ADAMTS17: variants seen among roughly 807,000 people sequenced by gnomAD.
The protein encoded by ADAMTS17 is ADAM metallopeptidase with thrombospondin type 1 motif 17, also known as A disintegrin and metalloproteinase with thrombospondin motifs 17.
Under a neutral mutation model 141.5 loss-of-function variants are expected in ADAMTS17, and 113 were observed. The observed-to-expected ratio is 0.80, with a 90% CI of 0.69 to 0.93. The LOEUF (loss-of-function observed/expected upper bound fraction) is 0.93. Ranked by LOEUF, ADAMTS17 falls within the 40% of genes least tolerant of loss-of-function variation. The pLI is 0.00. For missense variants in ADAMTS17, 1,659 were observed against 1,517.9 expected, an observed-to-expected ratio of 1.09 and a Z score of -1.54; for synonymous variants, 768 against 630.6, an observed-to-expected ratio of 1.22 and a Z score of -3.27.
intron 7 of ADAMTS17, among the ~76,000 whole-genome samples, chr15:100,252,337 A>C (rs2043180237): frequency 6.6e-6 from 1 of 152,194 alleles, no homozygotes; most frequent in African/African-American, 2.4e-5. Flanking sequence ...AACCAACAGG[A>C]GTGACCAAAC....
At chr15:100,233,841 G>GA (rs2042568221) in intron 7 of ADAMTS17, among the ~76,000 whole-genome samples, 3 of 152,118 alleles carry the variant, frequency 2.0e-5, no homozygotes, top group Admixed American at 2.0e-4. Flanking sequence ...AGGGAAGGAG[G>GA]AGGCTGAGGC....
chr15:100,248,165 G>C lies in ADAMTS17; in HGVS notation c.1075+5971C>G, dbSNP rs116921611. ...TGGAACATCTCCACTTCCTCCTGTA[G>C]GATCACCCCTCTCCCTCACTGGACA... is the stretch of plus-strand genomic sequence containing the variant. On this transcript the variant is annotated intron_variant, in intron 7 of 21. Transcript: ENST00000268070. 3.6e-3 allele frequency among the ~76,000 whole-genome samples: 543 copies of C among 152,222 alleles called. 7 individuals carry two copies. The highest frequency in any genetic ancestry group is 2.4e-3 in the Non-Finnish European group (162 of 68,008).
At chr15:100,321,586 A>G (rs560664210) in intron 3 of ADAMTS17, among the ~76,000 whole-genome samples, 147 of 152,374 alleles carry the variant, frequency 9.6e-4, no homozygotes, top group African/African-American at 3.5e-3. Context: ...CTGGAAGGAC[A>G]AAAGTATTGG....
intron 3 of ADAMTS17, among the ~76,000 whole-genome samples, chr15:100,300,840 A>G (rs1298958890): frequency 6.6e-6 from 1 of 152,216 alleles, no homozygotes; most frequent in Non-Finnish European, 1.5e-5. Context: ...CATAACTTGT[A>G]TGTACACCCC....
chr15:100,165,817 A>G (rs2141440654), intron 8 of ADAMTS17, among the ~76,000 whole-genome samples: 1 of 152,356 alleles, frequency 6.6e-6, no homozygotes, highest in East Asian at 1.9e-4. Flanking sequence ...GATGTTAAGA[A>G]GAACCTCTGC....
intron 15 of ADAMTS17, among the ~76,000 whole-genome samples, chr15:100,091,010 C>CAACAAAAAAAAAAA (rs1555446585): frequency 0.011 from 589 of 54,462 alleles, 11 homozygotes; most frequent in South Asian, 0.047. Flanking sequence ...TCCGTCTCAA[C>CAACAAAAAAAAAAA]AAAAAAAAAA....
chr15:100,058,336 CGGCTCT>C (rs2032813985), intron 15 of ADAMTS17, among the ~76,000 whole-genome samples: 1 of 152,152 alleles, frequency 6.6e-6, no homozygotes, highest in South Asian at 2.1e-4. Flanking sequence ...ACCCCTATCC[CGGCTCT>C]AACACCCCTA....
At chr15:99,987,153 A>G (rs2573595) in intron 20 of ADAMTS17, among the ~76,000 whole-genome samples, 16,480 of 152,196 alleles carry the variant, frequency 0.11, 2,764 homozygotes, top group African/African-American at 0.36. Context: ...GGACTGGCCC[A>G]TTCCTCACCT....
intron 18 of ADAMTS17, among the ~76,000 whole-genome samples, chr15:100,019,569 A>T (rs186493860): frequency 1.3e-5 from 2 of 152,314 alleles, no homozygotes; most frequent in East Asian, 3.9e-4. Context: ...AACATGTGCT[A>T]CCCGGTGTAT....
intron 2 of ADAMTS17, among the ~76,000 whole-genome samples, chr15:100,331,919 C>T (rs1224772979): frequency 6.6e-6 from 1 of 152,144 alleles, no homozygotes; most frequent in Non-Finnish European, 1.5e-5. Flanking sequence ...CACTCCCCAC[C>T]ACACGCAGAG....
At chr15:100,110,798 G>A (rs1399574005) in intron 13 of ADAMTS17, among the ~76,000 whole-genome samples, 6 of 152,144 alleles carry the variant, frequency 3.9e-5, no homozygotes, top group African/African-American at 7.2e-5. Flanking sequence ...GCCAGCAAGA[G>A]CAGGGACAGA....
chr15:100,070,670 A>C (rs898825033), intron 15 of ADAMTS17, among the ~76,000 whole-genome samples: 6 of 150,218 alleles, frequency 4.0e-5, no homozygotes, highest in African/African-American at 7.4e-5. Flanking sequence ...TGAAGGCAGA[A>C]ATAAAGATGT....
chr15:100,116,010 G>A (rs1171468563), intron 13 of ADAMTS17, among the ~76,000 whole-genome samples: 3 of 151,962 alleles, frequency 2.0e-5, no homozygotes, highest in Non-Finnish European at 2.9e-5. Flanking sequence ...CTTGTTTTGC[G>A]TATTAAATGA....
chr15:99,991,198 G>A (rs2060683375), intron 20 of ADAMTS17, among the ~76,000 whole-genome samples: 1 of 152,182 alleles, frequency 6.6e-6, no homozygotes. Flanking sequence ...AAGAGCTTCT[G>A]CACAGCAAAA....
chr15:100,166,951 A>G (rs4627320), intron 8 of ADAMTS17, among the ~76,000 whole-genome samples: 3,193 of 152,296 alleles, frequency 0.021, 132 homozygotes, highest in East Asian at 0.17. Context: ...TCAGCAGGCT[A>G]TTGGTATGTA....
At chr15:100,068,487 T>C (rs376052391) in intron 15 of ADAMTS17, among the ~76,000 whole-genome samples, 6 of 152,168 alleles carry the variant, frequency 3.9e-5, no homozygotes, top group African/African-American at 7.2e-5. Context: ...AGTAGCCTAA[T>C]TGGGAGGCAC....
intron 8 of ADAMTS17, among the ~76,000 whole-genome samples, chr15:100,160,746 C>T (rs958026507): frequency 2.0e-5 from 3 of 152,178 alleles, no homozygotes; most frequent in African/African-American, 7.2e-5. Context: ...GAGTGGGATT[C>T]TTGGGTTTCT....
At chr15:100,327,928 C>G (rs1434145880) in intron 3 of ADAMTS17, among the ~76,000 whole-genome samples, 1 of 152,184 alleles carries the variant, frequency 6.6e-6, no homozygotes, top group African/African-American at 2.4e-5. Context: ...AGCCACCAAC[C>G]CTGCTCAGAC....
intron 1 of ADAMTS17, 39 bp from the exon 2 acceptor site, chr15:100,341,448 C>T (rs1309787178): frequency 3.0e-6 from 3 of 1,008,552 alleles, no homozygotes; most frequent in Admixed American, 6.0e-5. Flanking sequence ...CGGCGGGGCC[C>T]GCCCGGACGC....
Sources: allele counts gnomAD v4.1 joint callset (sites outside exome capture counted in the v4.1 genomes callset), GRCh38; gene constraint gnomAD v4.1.1; transcripts MANE v1.5; gene names NCBI Gene and HGNC (gene_info 2026-07-23, HGNC 2026-07-21).